The following RARB variants were observed in gnomAD, a reference collection of about 807,000 sequenced individuals.
RARB encodes the protein HBV-activated protein.
RARB carries 17 observed loss-of-function variants against 51.9 expected under a neutral mutation model. The ratio of observed to expected loss-of-function variants is 0.33; its 90% CI spans 0.22 to 0.49. The LOEUF (loss-of-function observed/expected upper bound fraction) is 0.49. Ranked by LOEUF, RARB falls within the 20% of genes least tolerant of loss-of-function variation. RARB has a pLI of 0.99. For synonymous variants in RARB, 215 were observed against 195.4 expected (o/e 1.10, Z -0.84); for missense variants, 369 against 550.8 (o/e 0.67, Z 3.30).
chr3:25,309,486 CTTTTTTTT>C (rs149976069), intron 5 of RARB, among the ~76,000 whole-genome samples: 2,142 of 57,532 alleles, frequency 0.037, 8 homozygotes, highest in South Asian at 0.11. Flanking sequence ...CTCATAGTTG[CTTTTTTTT>C]TTTTTTTTTT....
At chr3:25,107,488 A>C (rs1260137668) in intron 3 of RARB, among the ~76,000 whole-genome samples, 1 of 152,182 alleles carries the variant, frequency 6.6e-6, no homozygotes, top group African/African-American at 2.4e-5. Context: ...GAATATAATT[A>C]CTAAAATTCA....
intron 5 of RARB, among the ~76,000 whole-genome samples, chr3:25,354,413 G>C (rs1031827421): frequency 2.6e-5 from 4 of 152,176 alleles, no homozygotes; most frequent in African/African-American, 9.6e-5. Context: ...GGGGTGGTCT[G>C]TTCTTCTCGT....
intron 4 of RARB, among the ~76,000 whole-genome samples, chr3:25,580,060 A>C (rs1288750856): frequency 6.6e-6 from 1 of 152,252 alleles, no homozygotes; most frequent in Non-Finnish European, 1.5e-5. Context: ...TGGTACAGGC[A>C]TAAGATTTTA....
chr3:25,213,892 CA>C (rs1468733733), intron 5 of RARB, among the ~76,000 whole-genome samples: 1 of 152,114 alleles, frequency 6.6e-6, no homozygotes, highest in Non-Finnish European at 1.5e-5. Flanking sequence ...TTTTGTAAAC[CA>C]TTCATTTCCC....
At position 24,919,651 on chromosome 3, in the gene RARB, T is replaced by G. The variant is rs79107555; in HGVS notation, c.-380+60899T>G. Among the ~76,000 whole-genome samples, 51 of 152,320 alleles carry G rather than the reference T, an allele frequency of 3.3e-4. 1 individual carries two copies. The East Asian group carries it at 6.9e-3, about 21-fold the overall frequency. On this transcript the variant is annotated intron_variant, in intron 2 of 11. Coordinates refer to the RARB transcript ENST00000383772. Reference sequence around the variant, plus strand: ...ATTGTTCTTTGCTCAATTAAACTGTTTAGTAGGATTTGTCTAAGGTTTCTT... The same window carrying G: ...ATTGTTCTTTGCTCAATTAAACTGTGTAGTAGGATTTGTCTAAGGTTTCTT...
intron 3 of RARB, among the ~76,000 whole-genome samples, chr3:25,523,973 G>A (rs1698523356): frequency 6.6e-6 from 1 of 152,134 alleles, no homozygotes; most frequent in African/African-American, 2.4e-5. Flanking sequence ...TTAAAAAGTT[G>A]TAGCATTACA....
chr3:25,346,540 AG>A (rs1268327728), intron 5 of RARB, among the ~76,000 whole-genome samples: 1 of 152,182 alleles, frequency 6.6e-6, no homozygotes, highest in African/African-American at 2.4e-5. Flanking sequence ...TGAGCTCACC[AG>A]TCCCTGGCAA....
At chr3:25,159,809 A>T (rs1700445146) in intron 4 of RARB, among the ~76,000 whole-genome samples, 1 of 152,156 alleles carries the variant, frequency 6.6e-6, no homozygotes. Flanking sequence ...TAATGTGAGG[A>T]GGCCAAACTT....
chr3:25,266,971 C>T (rs991307801), intron 5 of RARB, among the ~76,000 whole-genome samples: 1 of 152,234 alleles, frequency 6.6e-6, no homozygotes, highest in Non-Finnish European at 1.5e-5. Flanking sequence ...CAGACTAACA[C>T]AATCACCAAC....
chr3:25,204,921 G>A (rs561973645), intron 5 of RARB, among the ~76,000 whole-genome samples: 78 of 152,304 alleles, frequency 5.1e-4, no homozygotes, highest in African/African-American at 1.3e-3. Flanking sequence ...CTCAAGCTGC[G>A]TGCTGGGAGA....
chr3:25,146,507 G>GTTTTTT (rs1209595229), intron 4 of RARB, among the ~76,000 whole-genome samples: 108 of 133,376 alleles, frequency 8.1e-4, no homozygotes, highest in African/African-American at 2.8e-3. Context: ...TTGTTTGTTT[G>GTTTTTT]TTTGTTTTTT....
intron 4 of RARB, among the ~76,000 whole-genome samples, chr3:25,572,971 G>A (rs955435089): frequency 2.0e-4 from 31 of 152,216 alleles, no homozygotes; most frequent in Middle Eastern, 3.4e-3. Context: ...TGGTGTGACC[G>A]GGATTCCTAC....
chr3:24,917,714 A>G (rs1222386955), intron 2 of RARB, among the ~76,000 whole-genome samples: 5 of 152,178 alleles, frequency 3.3e-5, no homozygotes, highest in Non-Finnish European at 5.9e-5. Flanking sequence ...TTTACTAGAG[A>G]CGGGGTTTTA....
intron 3 of RARB, among the ~76,000 whole-genome samples, chr3:25,519,614 C>T (rs536579247): frequency 1.3e-5 from 2 of 152,134 alleles, no homozygotes; most frequent in African/African-American, 4.8e-5. Context: ...TGTAACAACA[C>T]ATAAGATTTG....
chr3:25,059,563 A>G (rs1186321050), intron 2 of RARB, among the ~76,000 whole-genome samples: 1 of 151,818 alleles, frequency 6.6e-6, no homozygotes, highest in Admixed American at 6.6e-5. Context: ...GTATTTAATG[A>G]TGCTTTAAGA....
rs1036147839 is a variant in RARB, at chr3:25,188,600, A to G, written c.178+14025A>G. On this transcript the variant is annotated intron_variant, in intron 5 of 11. Coordinates refer to the RARB transcript ENST00000383772. ...TTCTGTCAGCTTCTTTGAAAGCGGT[A>G]TCATCTGATATCCATGTACTCTACC... Among the ~76,000 whole-genome samples the G allele has an allele frequency of 5.9e-5, 9 of 152,170 alleles. No homozygotes were observed. In the East Asian group the frequency reaches 1.7e-3, roughly 29 times the overall value.
rs115546841 is a variant in RARB at position 25,538,621 on chromosome 3, C to T, written c.449-31137C>T. On this transcript the variant is annotated intron_variant, in intron 3 of 7. Coordinates refer to ENST00000330688, the MANE Select transcript of RARB (RefSeq NM_000965.5). ...CTTCAGCAACTTGATACTGCTGCAACATTCAAGCAGCATTTCATTTTTCTA... is the reference window on the plus strand; with the variant it reads ...CTTCAGCAACTTGATACTGCTGCAATATTCAAGCAGCATTTCATTTTTCTA... Among the ~76,000 whole-genome samples, 1,212 of 152,328 alleles carry T rather than the reference C, an allele frequency of 8.0e-3. 23 individuals are homozygous for T. Among genetic ancestry groups the T allele is most frequent in the African/African-American group, 0.028 (1,156 of 41,574 alleles).
intron 2 of RARB, among the ~76,000 whole-genome samples, chr3:24,875,685 C>A (rs1164297800): frequency 6.6e-6 from 1 of 151,894 alleles, no homozygotes; most frequent in Non-Finnish European, 1.5e-5. Context: ...CCCAGTTTAC[C>A]CTCATGTTAA....
intron 5 of RARB, among the ~76,000 whole-genome samples, chr3:25,338,387 G>C (rs1350494604): frequency 6.6e-6 from 1 of 152,172 alleles, no homozygotes; most frequent in Non-Finnish European, 1.5e-5. Flanking sequence ...TTATTGAAGG[G>C]TGGGCTGTTG....
Sources: allele counts gnomAD v4.1 joint callset (sites outside exome capture counted in the v4.1 genomes callset), GRCh38; gene constraint gnomAD v4.1.1; transcripts MANE v1.5; gene names NCBI Gene and HGNC (gene_info 2026-07-23, HGNC 2026-07-21).